Variants in PIEZO2 observed in about 807,000 individuals in gnomAD.
PIEZO2 encodes the protein piezo-type mechanosensitive ion channel component 2.
PIEZO2 carries 172 observed loss-of-function variants against 337.3 expected under a neutral mutation model. The ratio of observed to expected loss-of-function variants is 0.51; its 90% CI spans 0.45 to 0.58. The LOEUF is 0.58. Among genes scored for constraint, PIEZO2 ranks in the 20% least tolerant of loss-of-function variants. The pLI, the probability that PIEZO2 is intolerant of heterozygous loss-of-function variation, is 0.00. For synonymous variants in PIEZO2, 1,251 were observed against 1,228.5 expected (o/e 1.02, Z -0.38); for missense variants, 3,028 against 3,391.3 (o/e 0.89, Z 2.66).
intron 2 of PIEZO2, among the ~76,000 whole-genome samples, chr18:11,061,848 G>A (rs2037972731): frequency 6.6e-6 from 1 of 152,172 alleles, no homozygotes; most frequent in Admixed American, 6.5e-5. Context: ...GTAATTTATA[G>A]ATTCAATGCC....
chr18:10,904,301 G>A (rs1302015638), intron 4 of PIEZO2, among the ~76,000 whole-genome samples: 1 of 152,206 alleles, frequency 6.6e-6, no homozygotes, highest in Non-Finnish European at 1.5e-5. Context: ...ATAGAAGGTA[G>A]AGCCCATAAA....
At chr18:10,909,641 G>GT (rs886412534) in intron 4 of PIEZO2, among the ~76,000 whole-genome samples, 2 of 152,168 alleles carry the variant, frequency 1.3e-5, no homozygotes, top group East Asian at 1.9e-4. Context: ...AATAAATAAC[G>GT]TAAGTGTGGC....
chr18:10,891,573 C>G (rs139345465), intron 4 of PIEZO2, among the ~76,000 whole-genome samples: 244 of 152,264 alleles, frequency 1.6e-3, no homozygotes, highest in African/African-American at 5.2e-3. Flanking sequence ...CACATGAGGA[C>G]AATTCGCACT....
At position 11,111,853 on chromosome 18, in the gene PIEZO2, G is replaced by GT. The variant is rs1207157844; in HGVS notation, c.64+36671dup. ...AGCAACTTAAATATTACTTTTAGAT[G>GT]TAAACAACCATGGATAGATTATAAA... On this transcript the variant is annotated intron_variant, in intron 1 of 55. Transcript: ENST00000674853. The surrounding 1 kb of genome is among the most constrained non-coding windows in gnomAD (Gnocchi z 6.2). Among the ~76,000 whole-genome samples, 19 of 152,312 alleles carry GT rather than the reference G, an allele frequency of 1.2e-4. No individual in the cohort carries two copies. Among genetic ancestry groups the GT allele is most frequent in the African/African-American group, 4.6e-4 (19 of 41,560 alleles).
intron 43 of PIEZO2, chr18:10,701,751 T>G: frequency 5.4e-6 from 2 of 367,592 alleles, no homozygotes; most frequent in Non-Finnish European, 4.8e-6. Flanking sequence ...TTCTCCCAGA[T>G]TTATTGTAAG....
In PIEZO2 at chr18:10,847,845, G is replaced by A. The variant is rs1395833129; in HGVS notation, c.917+7508C>T. Among the ~76,000 whole-genome samples the A allele has an allele frequency of 1.2e-4, 19 of 152,174 alleles. No individual in the cohort carries two copies. Among genetic ancestry groups the A allele is most frequent in the Admixed American group, 1.1e-3 (17 of 15,274 alleles). On this transcript the variant is annotated intron_variant, in intron 7 of 55. Coordinates refer to ENST00000674853, the MANE Select transcript of PIEZO2 (RefSeq NM_001378183.1). This position sits in a 1 kb window ranked among gnomAD's most constrained non-coding sequence, Gnocchi z 5.7. The stretch of plus-strand genomic sequence containing the variant: ...TGCCAACTTCACAAATTAAACACTA[G>A]AGATTAACTGCTGCCAATGCCATCT...
At chr18:10,970,143 CCCCTCTA>C (rs1413460715) in intron 3 of PIEZO2, among the ~76,000 whole-genome samples, 1 of 152,038 alleles carries the variant, frequency 6.6e-6, no homozygotes, top group Non-Finnish European at 1.5e-5. Context: ...GACATCTGAC[CCCCTCTA>C]CCTGGGGGTA....
chr18:10,884,683 C>A (rs1248009970), intron 4 of PIEZO2, among the ~76,000 whole-genome samples: 2 of 152,184 alleles, frequency 1.3e-5, no homozygotes, highest in Non-Finnish European at 2.9e-5. Flanking sequence ...CACAGTGCAT[C>A]ACATCAGATG....
chr18:10,691,020 C>T (rs1020104288), intron 48 of PIEZO2, among the ~76,000 whole-genome samples: 4 of 152,154 alleles, frequency 2.6e-5, no homozygotes, highest in African/African-American at 9.7e-5. Flanking sequence ...GAATGTAGAA[C>T]AGCACCTGGA....
chr18:11,108,783 A>T (rs1057396244), intron 1 of PIEZO2, among the ~76,000 whole-genome samples: 44 of 152,146 alleles, frequency 2.9e-4, no homozygotes, highest in African/African-American at 9.9e-4. Flanking sequence ...CTCGTGCCAC[A>T]GCTGGTTTGT....
chr18:10,739,742 TAAATA>T (rs911440847), intron 33 of PIEZO2: 3 of 152,214 alleles, frequency 2.0e-5, no homozygotes, highest in African/African-American at 7.2e-5. Flanking sequence ...GGGAGAAAAT[TAAATA>T]AAACTCTTTC....
In PIEZO2 at chr18:10,762,903, C is replaced by T. The variant is rs1568030426; in HGVS notation, c.3123+19G>A. On this transcript the variant is annotated intron_variant, in intron 22 of 55. Transcript: ENST00000674853. The stretch of plus-strand genomic sequence containing the variant: ...TGCTAAAGGGCAGTCAGGAATATTC[C>T]CCCATCACCGAGGCTCACCAAGGAA... The T allele has an allele frequency of 6.5e-7, 1 of 1,533,988 alleles. No homozygotes were observed. The highest frequency in any genetic ancestry group is 8.7e-7 in the Non-Finnish European group (1 of 1,144,836).
rs147964928 is a variant in PIEZO2, at chr18:11,130,196, G to A, written c.64+18329C>T. Among the ~76,000 whole-genome samples, 137 of 152,350 alleles carry A rather than the reference G, an allele frequency of 9.0e-4. 1 individual carries two copies. The Middle Eastern group carries it at 0.014, about 15-fold the overall frequency. On this transcript the variant is annotated intron_variant, in intron 1 of 55. Coordinates refer to ENST00000674853, the MANE Select transcript of PIEZO2 (RefSeq NM_001378183.1). ...CCAGTTCAACTCTCCCATTCGGCCT[G>A]TGCAGAAGACACATGGATCTTGGAG...
chr18:10,953,922 G>A lies in PIEZO2; in HGVS notation c.286+25613C>T, dbSNP rs1310548814. Among the ~76,000 whole-genome samples, 3 of 152,104 alleles carry A rather than the reference G, an allele frequency of 2.0e-5. No individual in the cohort carries two copies. Among genetic ancestry groups the A allele is most frequent in the South Asian group, 2.1e-4 (1 of 4,824 alleles). On this transcript the variant is annotated intron_variant, in intron 3 of 55. Coordinates refer to ENST00000674853, the MANE Select transcript of PIEZO2 (RefSeq NM_001378183.1). This position sits in a 1 kb window ranked among gnomAD's most constrained non-coding sequence, Gnocchi z 5.2. ...ATACTGCCTTGTTTTAATGATTTGC[G>A]GCTGGCAGGGAACTGAAGTCTGTCA...
chr18:10,807,061 A>C (rs2040022648), intron 8 of PIEZO2, 51 bp downstream of exon 8: 1 of 1,471,600 alleles, frequency 6.8e-7, no homozygotes. Context: ...TTTCACGTGG[A>C]GATTCTAGGT....
At chr18:10,935,090 G>C (rs182130599) in intron 3 of PIEZO2, among the ~76,000 whole-genome samples, 11 of 152,052 alleles carry the variant, frequency 7.2e-5, no homozygotes, top group Non-Finnish European at 1.5e-4. Context: ...TTCTGTTTTC[G>C]TCCTTACCTA....
intron 13 of PIEZO2, among the ~76,000 whole-genome samples, chr18:10,793,409 ACT>A: frequency 6.6e-6 from 1 of 152,132 alleles, no homozygotes; most frequent in East Asian, 1.9e-4. Context: ...TCCCGGAGTA[ACT>A]CTTTTTTTCC....
At chr18:10,911,735 CAA>C (rs957388101) in intron 3 of PIEZO2, among the ~76,000 whole-genome samples, 5 of 145,166 alleles carry the variant, frequency 3.4e-5, no homozygotes, top group Non-Finnish European at 7.5e-5. Flanking sequence ...GCCTGGGCGA[CAA>C]GAGCAAAACT....
intron 4 of PIEZO2, chr18:10,908,399 T>C (rs979627504): frequency 6.6e-6 from 1 of 152,194 alleles, no homozygotes; most frequent in African/African-American, 2.4e-5. Flanking sequence ...AAGAAGGACA[T>C]AGTGATGAAA....
Sources: allele counts gnomAD v4.1 joint callset (sites outside exome capture counted in the v4.1 genomes callset), GRCh38; gene constraint gnomAD v4.1.1; non-coding constraint Gnocchi (gnomAD v3.1); transcripts MANE v1.5; gene names NCBI Gene and HGNC (gene_info 2026-07-23, HGNC 2026-07-21).